The following HAO2 variants were observed in gnomAD, a reference collection of about 807,000 sequenced individuals.
HAO2 encodes the protein 2-Hydroxyacid oxidase 2.
HAO2 carries 42 observed loss-of-function variants against 37.4 expected under a neutral mutation model. That is an observed-to-expected ratio of 1.12 (90% CI 0.88 to 1.45). The LOEUF is 1.45. Among genes scored for constraint, HAO2 ranks in the 40% most tolerant of loss-of-function variants. The pLI is 0.00. For missense variants in HAO2, 476 were observed against 430.2 expected (o/e 1.11, Z -0.94); for synonymous variants, 180 against 162.8 (o/e 1.11, Z -0.81).
intron 5 of HAO2, among the ~76,000 whole-genome samples, chr1:119,391,150 A>G (rs1650856689): frequency 6.6e-6 from 1 of 151,358 alleles, no homozygotes; most frequent in Non-Finnish European, 1.5e-5. Flanking sequence ...TATACTGTTC[A>G]GTCTCAGCCA....
At chr1:119,378,106 C>T (rs1046634417) in intron 1 of HAO2, among the ~76,000 whole-genome samples, 5 of 152,126 alleles carry the variant, frequency 3.3e-5, no homozygotes, top group African/African-American at 4.8e-5. Flanking sequence ...ATATAGCAAG[C>T]AATTTATGAG....
chr1:119,381,962 C>G (rs1308648079), intron 2 of HAO2, among the ~76,000 whole-genome samples: 1 of 152,160 alleles, frequency 6.6e-6, no homozygotes, highest in African/African-American at 2.4e-5. Flanking sequence ...ATAACTGTGA[C>G]AAAGATTACA....
At chr1:119,390,594 C>T (rs1650803145) in intron 5 of HAO2, among the ~76,000 whole-genome samples, 1 of 152,174 alleles carries the variant, frequency 6.6e-6, no homozygotes, top group African/African-American at 2.4e-5. Flanking sequence ...TTTGTACAAA[C>T]TCTTCTAGTG....
At chr1:119,389,384 A>G (rs4659004) in intron 5 of HAO2, among the ~76,000 whole-genome samples, 98,690 of 149,928 alleles carry the variant, frequency 0.66, 32,633 homozygotes, top group East Asian at 0.7. Flanking sequence ...GTTTTCCATA[A>G]TAGTTGTACT....
In HAO2 at chr1:119,384,932, C is replaced by T. The variant is rs866039470; in HGVS notation, c.440C>T (p.Ser147Phe). 6.2e-7 allele frequency: 1 copy of T among 1,613,894 alleles called. No homozygotes were observed. The highest frequency in any genetic ancestry group is 8.5e-7 in the Non-Finnish European group (1 of 1,179,816). The change falls in exon 4 of 8, where the codon TCC becomes TTC. Residue 147 changes from serine (S) to phenylalanine (F), a missense_variant. Physicochemically the swap from Ser to Phe is radical, Grantham distance 155. Coordinates refer to ENST00000325945, the MANE Select transcript of HAO2 (RefSeq NM_016527.4). Reference sequence around the variant, plus strand: ...AAACAGTTGATCCAGAGGGTAGAATCCCTAGGTTTCAAAGCTTTGGTAATA... The same window carrying T: ...AAACAGTTGATCCAGAGGGTAGAATTCCTAGGTTTCAAAGCTTTGGTAATA... ...LNKQLIQRVE[S>F]LGFKALVITL...
intron 1 of HAO2, among the ~76,000 whole-genome samples, chr1:119,376,205 G>A (rs1047321774): frequency 4.6e-5 from 7 of 152,190 alleles, no homozygotes; most frequent in East Asian, 1.9e-4. Context: ...GGTAAATACC[G>A]CCATTCCAAA....
chr1:119,380,224 C>T (rs1649808259), intron 1 of HAO2, among the ~76,000 whole-genome samples: 1 of 152,270 alleles, frequency 6.6e-6, no homozygotes, highest in East Asian at 1.9e-4. Context: ...CCTGTTTCTA[C>T]TGGAGAGATT....
At chr1:119,377,697 A>G (rs1649581033) in intron 1 of HAO2, among the ~76,000 whole-genome samples, 1 of 152,228 alleles carries the variant, frequency 6.6e-6, no homozygotes, top group African/African-American at 2.4e-5. Context: ...ATCATGGTGA[A>G]AGGTGAAGGA....
At chr1:119,382,877 A>T (rs771946639) in intron 2 of HAO2, 38 bp from the exon 3 acceptor site, 5 of 1,598,728 alleles carry the variant, frequency 3.1e-6, no homozygotes, top group Non-Finnish European at 4.3e-6. Flanking sequence ...CTGCAGAATC[A>T]TCTCACCAAC....
rs1451460535 is a variant in HAO2 at position 119,393,886 on chromosome 1, A to T, written c.*46A>T. ...GACTGCTGAGGTTGCCCACAGGAGG[A>T]TCACAAACTCACAGCACAGTGTGTG... On this transcript the variant is annotated 3_prime_UTR_variant, in exon 8 of 8. Coordinates refer to ENST00000325945, the MANE Select transcript of HAO2 (RefSeq NM_016527.4). The T allele has an allele frequency of 6.2e-7, 1 of 1,611,764 alleles. No homozygotes were observed. Among genetic ancestry groups the T allele is most frequent in the Non-Finnish European group, 8.5e-7 (1 of 1,178,406 alleles).
intron 1 of HAO2, among the ~76,000 whole-genome samples, chr1:119,374,024 C>T (rs1649246284): frequency 6.6e-6 from 1 of 152,182 alleles, no homozygotes; most frequent in Admixed American, 6.5e-5. Flanking sequence ...ACTGGACTGG[C>T]TTCTTTTCCC....
intron 1 of HAO2, among the ~76,000 whole-genome samples, chr1:119,371,833 A>G (rs1450830755): frequency 2.0e-5 from 3 of 152,198 alleles, no homozygotes; most frequent in African/African-American, 7.2e-5. Flanking sequence ...ATATTAAGGA[A>G]CCATCATGCT....
At chr1:119,385,779 T>A (rs1447388918) in intron 4 of HAO2, 2 of 985,218 alleles carry the variant, frequency 2.0e-6, no homozygotes, top group Non-Finnish European at 2.4e-6. Flanking sequence ...CCAAGCCAAG[T>A]AACTCAACAG....
chr1:119,369,194 T>G (rs1272074262), intron 1 of HAO2, among the ~76,000 whole-genome samples: 1 of 152,208 alleles, frequency 6.6e-6, no homozygotes, highest in African/African-American at 2.4e-5. Context: ...GTTAAAATGT[T>G]TTCACTTGAC....
chr1:119,391,142 T>A (rs587697926), intron 5 of HAO2, among the ~76,000 whole-genome samples: 14 of 152,272 alleles, frequency 9.2e-5, no homozygotes, highest in Admixed American at 5.9e-4. Flanking sequence ...TATTTTCTTA[T>A]ACTGTTCAGT....
chr1:119,375,638 A>G (rs901301097), intron 1 of HAO2, among the ~76,000 whole-genome samples: 1 of 152,138 alleles, frequency 6.6e-6, no homozygotes, highest in South Asian at 2.1e-4. Context: ...TCATAGTGCT[A>G]TGAAGAAATA....
At chr1:119,369,673 G>A (rs1189161535) in intron 1 of HAO2, among the ~76,000 whole-genome samples, 3 of 152,180 alleles carry the variant, frequency 2.0e-5, no homozygotes, top group African/African-American at 4.8e-5. Context: ...GATGAGAATT[G>A]GAGCTTGTCT....
chr1:119,392,542 T>C, intron 6 of HAO2, 76 bp from the exon 7 acceptor site: 1 of 962,208 alleles, frequency 1.0e-6, no homozygotes, highest in African/African-American at 1.6e-5. Flanking sequence ...TGACTACATC[T>C]AGAATTTATA....
chr1:119,375,873 C>G (rs1039952797), intron 1 of HAO2, among the ~76,000 whole-genome samples: 1 of 152,056 alleles, frequency 6.6e-6, no homozygotes, highest in Non-Finnish European at 1.5e-5. Flanking sequence ...ACCCGCTCCC[C>G]CATGATTCAA....
Sources: allele counts gnomAD v4.1 joint callset (sites outside exome capture counted in the v4.1 genomes callset), GRCh38; gene constraint gnomAD v4.1.1; transcripts MANE v1.5; gene names NCBI Gene and HGNC (gene_info 2026-07-23, HGNC 2026-07-21).